IDO2: variants seen among roughly 807,000 people sequenced by gnomAD.
IDO2 encodes indoleamine 2,3-dioxygenase-like 1 protein.
In IDO2, 46 loss-of-function variants were observed where a neutral mutation model predicts 45.1. That is an observed-to-expected ratio of 1.02 (90% confidence interval 0.80 to 1.30). IDO2 has a LOEUF of 1.30. IDO2 is among the 50% of genes most tolerant of loss of function. The pLI is 0.00. For missense variants in IDO2, 544 were observed against 491.8 expected (o/e 1.11, Z -1.00); for synonymous variants, 218 against 184.9 (o/e 1.18, Z -1.45).
chr8:40,008,092 G>C (rs932648469), intron 9 of IDO2, among the ~76,000 whole-genome samples: 1 of 147,338 alleles, frequency 6.8e-6, no homozygotes, highest in African/African-American at 2.5e-5. Flanking sequence ...TGTCACCCAG[G>C]CTGGGGTGCA....
At chr8:39,945,456 C>T (rs1014736869) in intron 1 of IDO2, among the ~76,000 whole-genome samples, 2 of 152,158 alleles carry the variant, frequency 1.3e-5, no homozygotes, top group Admixed American at 6.6e-5. Flanking sequence ...GTGTGTTCTC[C>T]GTAGGGGCCA....
At chr8:39,978,985 CA>C in intron 3 of IDO2, 81 bp from the exon 4 acceptor site, 1 of 1,389,158 alleles carries the variant, frequency 7.2e-7, no homozygotes, top group Non-Finnish European at 9.9e-7. Context: ...GGTCCCTTCA[CA>C]TCCCAGGTCC....
intron 1 of IDO2, among the ~76,000 whole-genome samples, chr8:39,948,008 T>C (rs982262914): frequency 6.6e-6 from 1 of 152,188 alleles, no homozygotes. Context: ...GGTCTCAAAC[T>C]CCTGACCTCA....
intron 8 of IDO2, among the ~76,000 whole-genome samples, chr8:40,004,091 AG>A (rs1802178589): frequency 6.6e-6 from 1 of 152,218 alleles, no homozygotes; most frequent in African/African-American, 2.4e-5. Flanking sequence ...TTCAGCAAAA[AG>A]TAGTAGTGTC....
At chr8:39,993,322 C>T (rs1360771503) in intron 8 of IDO2, among the ~76,000 whole-genome samples, 3 of 151,898 alleles carry the variant, frequency 2.0e-5, no homozygotes. Flanking sequence ...TATTTTTCTC[C>T]CCAAAAAGCC....
intron 8 of IDO2, among the ~76,000 whole-genome samples, chr8:40,000,949 T>C (rs1214392160): frequency 6.6e-6 from 1 of 152,232 alleles, no homozygotes; most frequent in African/African-American, 2.4e-5. Flanking sequence ...TGGTGCTTCA[T>C]CATGGTTTTA....
At chr8:39,970,986 C>G (rs536501542) in intron 3 of IDO2, among the ~76,000 whole-genome samples, 3 of 151,662 alleles carry the variant, frequency 2.0e-5, no homozygotes, top group East Asian at 3.9e-4. Context: ...AAGATGGTCT[C>G]TATCTCTGAC....
At chr8:39,958,240 TC>T (rs777014501) in intron 2 of IDO2, among the ~76,000 whole-genome samples, 76 of 141,710 alleles carry the variant, frequency 5.4e-4, no homozygotes, top group South Asian at 9.1e-4. Flanking sequence ...CTTGCTCTCT[TC>T]CCCAGGCTGG....
chr8:39,934,900 G>T, exon 1 of IDO2: 1 of 536,654 alleles, frequency 1.9e-6, no homozygotes, highest in South Asian at 2.3e-5. Context: ...CCTGGTAAGG[G>T]ATCATTTGCT....
intron 2 of IDO2, among the ~76,000 whole-genome samples, chr8:39,962,224 C>T (rs551298085): frequency 2.6e-5 from 4 of 152,246 alleles, no homozygotes; most frequent in Admixed American, 6.5e-5. Context: ...GATTTTCTTG[C>T]CTTAAGCCCC....
At chr8:39,963,562 T>C in intron 2 of IDO2, 46 bp from the exon 3 acceptor site, 1 of 1,189,424 alleles carries the variant, frequency 8.4e-7, no homozygotes, top group East Asian at 2.4e-5. Flanking sequence ...GGAAGCCCCT[T>C]TCCAGAGAGG....
At chr8:39,947,602 T>C (rs892769405) in intron 1 of IDO2, among the ~76,000 whole-genome samples, 1 of 152,222 alleles carries the variant, frequency 6.6e-6, no homozygotes, top group Non-Finnish European at 1.5e-5. Flanking sequence ...AAATACAGAA[T>C]GTAAGGTCCC....
At chr8:39,935,367 A>G in intron 1 of IDO2, 149 bp downstream of exon 1, 1 of 710,652 alleles carries the variant, frequency 1.4e-6, no homozygotes, top group South Asian at 1.7e-5. Context: ...CAAAGTGCAC[A>G]TGTACTTGCA....
In IDO2 at chr8:39,935,191, A is replaced by G. The variant is rs765013389; in HGVS notation, c.-45A>G. The G allele has an allele frequency of 5.0e-6, 8 of 1,613,524 alleles. No homozygotes were observed. In the African/African-American group the frequency reaches 9.3e-5, roughly 19 times the overall value. On this transcript the variant is annotated 5_prime_UTR_variant, in exon 1 of 11. Transcript: ENST00000502986. ...TTGACACTTCACCCACCAGGCCACC[A>G]CAAGAATGTTGCATTTTCATTATTA... is the stretch of plus-strand genomic sequence containing the variant.
At chr8:39,966,758 T>C (rs955300955) in intron 3 of IDO2, among the ~76,000 whole-genome samples, 3 of 152,166 alleles carry the variant, frequency 2.0e-5, no homozygotes, top group African/African-American at 7.2e-5. Flanking sequence ...ACTCTGGAAA[T>C]ACAATAAGAA....
intron 2 of IDO2, among the ~76,000 whole-genome samples, chr8:39,950,523 A>G (rs1289676896): frequency 6.6e-6 from 1 of 152,186 alleles, no homozygotes; most frequent in Non-Finnish European, 1.5e-5. Flanking sequence ...TCACAGAAAA[A>G]GAATGAACAT....
intron 8 of IDO2, among the ~76,000 whole-genome samples, chr8:39,998,890 T>C (rs1046263242): frequency 1.3e-5 from 2 of 151,806 alleles, no homozygotes; most frequent in African/African-American, 4.8e-5. Context: ...AAATCCACCT[T>C]CCTCAGCCTC....
At chr8:40,012,442 T>C (rs1056760615) in intron 9 of IDO2, among the ~76,000 whole-genome samples, 6 of 152,168 alleles carry the variant, frequency 3.9e-5, no homozygotes, top group Admixed American at 3.9e-4. Flanking sequence ...CTTTGTTACT[T>C]TATCTATGAA....
At chr8:39,938,280 A>C (rs1476327534) in intron 1 of IDO2, among the ~76,000 whole-genome samples, 2 of 81,172 alleles carry the variant, frequency 2.5e-5, no homozygotes, top group East Asian at 7.6e-4. Context: ...CTATCTCTAC[A>C]AAAAATTCTC....
Sources: allele counts gnomAD v4.1 joint callset (sites outside exome capture counted in the v4.1 genomes callset), GRCh38; gene constraint gnomAD v4.1.1; transcripts MANE v1.5; gene names NCBI Gene and HGNC (gene_info 2026-07-23, HGNC 2026-07-21).